KCNC1: variants seen among roughly 807,000 people sequenced by gnomAD.
KCNC1 encodes the protein voltage-gated potassium channel KCNC1.
In KCNC1, 8 loss-of-function variants were observed where a neutral mutation model predicts 43.4. The observed-to-expected ratio is 0.18, with a 90% CI of 0.11 to 0.33. KCNC1 has a LOEUF of 0.33. Ranked by LOEUF, KCNC1 falls within the 10% of genes least tolerant of loss-of-function variation. The pLI, the probability that KCNC1 is intolerant of heterozygous loss-of-function variation, is 1.00. For missense variants in KCNC1, 420 were observed against 836.0 expected, an observed-to-expected ratio of 0.50 and a Z score of 6.14; for synonymous variants, 361 against 360.5, an observed-to-expected ratio of 1.00 and a Z score of -0.01.
chr11:17,778,322 T>C (rs554336463), intron 2 of KCNC1, among the ~76,000 whole-genome samples: 69 of 152,188 alleles, frequency 4.5e-4, no homozygotes, highest in Admixed American at 1.0e-3. Flanking sequence ...CTCCCAGACC[T>C]CCTCCCAGGC....
At position 17,736,946 on chromosome 11, in the gene KCNC1, T is replaced by C. The variant is rs1048084036; in HGVS notation, c.570+374T>C. 2.0e-5 allele frequency among the ~76,000 whole-genome samples: 3 copies of C among 152,148 alleles called. No individual in the cohort carries two copies. The highest frequency in any genetic ancestry group is 7.2e-5 in the African/African-American group (3 of 41,424). On this transcript the variant is annotated intron_variant, in intron 1 of 3. Transcript: ENST00000265969. The surrounding 1 kb of genome is among the most constrained non-coding windows in gnomAD (Gnocchi z 9.3). The stretch of plus-strand genomic sequence containing the variant: ...GTGCATGAGCGCCTGCCCGTGAACA[T>C]TTGTGTCTTTGCAGAGGTGCACTGT...
chr11:17,779,172 C>T lies in KCNC1; in HGVS notation c.1505-284C>T. ...TGGGGCCCGGGGCCGGCCCCCAGCA[C>T]CACACCTGCTGGATCCATCACCAAC... On this transcript the variant is annotated intron_variant, in intron 2 of 3. Transcript: ENST00000265969. This position sits in a 1 kb window ranked among gnomAD's most constrained non-coding sequence, Gnocchi z 7.2. The T allele has an allele frequency of 3.0e-6, 1 of 334,646 alleles. No homozygotes were observed. Among genetic ancestry groups the T allele is most frequent in the South Asian group, 7.5e-5 (1 of 13,282 alleles). The allele number at this position is 334,646 out of a possible 1,614,324, so 20.7% of individuals were successfully genotyped here. A position where few individuals can be genotyped will look rare whatever the true frequency, so the allele number is the denominator to read the frequency against.
In KCNC1 at chr11:17,735,918, G is replaced by A; in HGVS notation, c.-85G>A. 1.5e-6 allele frequency: 2 copies of A among 1,356,416 alleles called. No individual in the cohort carries two copies. Among genetic ancestry groups the A allele is most frequent in the South Asian group, 1.7e-5 (1 of 58,788 alleles). 84.0% of individuals were successfully genotyped at this position (1,356,416 alleles called of 1,614,324 possible). ...CTGGGGGGAGGGGGGAAGAGGGCGC[G>A]CGCCCCCCTCCCCGGCGCCAACTCC... On this transcript the variant is annotated 5_prime_UTR_variant, in exon 1 of 4. Transcript: ENST00000265969. The surrounding 1 kb of genome is among the most constrained non-coding windows in gnomAD (Gnocchi z 6.7).
intron 1 of KCNC1, among the ~76,000 whole-genome samples, chr11:17,741,025 G>A (rs114021709): frequency 0.023 from 3,549 of 151,964 alleles, 147 homozygotes; most frequent in African/African-American, 0.081. Flanking sequence ...CCCTTGCCTC[G>A]GAGCCCACTC....
intron 2 of KCNC1, 87 bp downstream of exon 2, chr11:17,772,685 T>C (rs1849243936): frequency 1.3e-6 from 2 of 1,548,104 alleles, no homozygotes; most frequent in Non-Finnish European, 1.7e-6. Context: ...GACTGCTTCC[T>C]TAGTTCCGTG....
chr11:17,775,673 G>C (rs2133807774), intron 2 of KCNC1: 1 of 985,732 alleles, frequency 1.0e-6, no homozygotes, highest in African/African-American at 1.7e-5. Context: ...CCATTCGCAT[G>C]TGTCTTGTCC....
At chr11:17,778,097 G>A (rs1383558141) in intron 2 of KCNC1, among the ~76,000 whole-genome samples, 1 of 152,192 alleles carries the variant, frequency 6.6e-6, no homozygotes, top group Non-Finnish European at 1.5e-5. Flanking sequence ...TGTCACCCTA[G>A]ATGAAGTATT....
chr11:17,774,822 C>G, intron 2 of KCNC1: 3 of 985,486 alleles, frequency 3.0e-6, no homozygotes, highest in Non-Finnish European at 3.6e-6. Context: ...AAGCCCTTCC[C>G]AAGCACTCAC....
At chr11:17,774,877 C>T (rs1324386830) in intron 2 of KCNC1, 1 of 985,464 alleles carries the variant, frequency 1.0e-6, no homozygotes. Context: ...ACCCCCGAGG[C>T]TCCAGCCTCA....
At chr11:17,751,392 G>T (rs1012772548) in intron 1 of KCNC1, among the ~76,000 whole-genome samples, 2 of 152,204 alleles carry the variant, frequency 1.3e-5, no homozygotes, top group East Asian at 3.8e-4. Flanking sequence ...TCAGTGGATG[G>T]GTAAACAAAT....
intron 1 of KCNC1, among the ~76,000 whole-genome samples, chr11:17,761,021 C>G (rs1437239715): frequency 6.6e-6 from 1 of 152,218 alleles, no homozygotes; most frequent in African/African-American, 2.4e-5. Context: ...GGTGTCCTTT[C>G]CCTCCCGACA....
chr11:17,760,937 CTCTTT>C (rs1281714942), intron 1 of KCNC1, among the ~76,000 whole-genome samples: 1 of 152,254 alleles, frequency 6.6e-6, no homozygotes, highest in Non-Finnish European at 1.5e-5. Context: ...CTGTTGTCAT[CTCTTT>C]TCTTGTTACC....
In KCNC1 at chr11:17,779,130, G is replaced by C; in HGVS notation, c.1505-326G>C. On this transcript the variant is annotated intron_variant, in intron 2 of 3. Coordinates refer to ENST00000265969, the MANE Select transcript of KCNC1 (RefSeq NM_001112741.2). The surrounding 1 kb of genome is among the most constrained non-coding windows in gnomAD (Gnocchi z 7.2). ...CCCATGACTGCATCCACACCATCCT[G>C]TTTCATCGGCCCTGCTTGGGGCCCG... 4.2e-6 allele frequency: 1 copy of C among 237,046 alleles called. No homozygotes were observed. The highest frequency in any genetic ancestry group is 2.2e-5 in the African/African-American group (1 of 44,528). The allele number at this position is 237,046 out of a possible 1,614,324, so 14.7% of individuals were successfully genotyped here. A position where few individuals can be genotyped will look rare whatever the true frequency, so the allele number is the denominator to read the frequency against.
Position 17,736,392 on chromosome 11 carries a change from C to G in KCNC1, c.390C>G (p.Ser130Arg). The G allele has an allele frequency of 6.2e-7, 1 of 1,610,200 alleles. No homozygotes were observed. Among genetic ancestry groups the G allele is most frequent in the Non-Finnish European group, 8.5e-7 (1 of 1,178,760 alleles). ...TCGGCGGCGCTCCTCTGGACAACAG[C>G]GCCGACGACGCGGACGCCGACGGCC... The part of the protein sequence containing the change: ...DSFGGAPLDN[S>R]ADDADADGPG... The change falls in exon 1 of 4, where the codon AGC (serine) becomes AGG (arginine). Residue 130 changes from serine to arginine, a missense_variant. Ser to Arg is a moderately radical substitution (Grantham distance 110). Coordinates refer to ENST00000265969, the MANE Select transcript of KCNC1 (RefSeq NM_001112741.2). The surrounding 1 kb of genome is among the most constrained non-coding windows in gnomAD (Gnocchi z 9.3).
At chr11:17,760,029 A>C (rs1849060745) in intron 1 of KCNC1, among the ~76,000 whole-genome samples, 2 of 152,210 alleles carry the variant, frequency 1.3e-5, no homozygotes, top group African/African-American at 4.8e-5. Flanking sequence ...CTCACTGCCT[A>C]ATCTGGGAAT....
At chr11:17,758,374 T>C (rs1257698497) in intron 1 of KCNC1, among the ~76,000 whole-genome samples, 1 of 152,232 alleles carries the variant, frequency 6.6e-6, no homozygotes, top group African/African-American at 2.4e-5. Flanking sequence ...TTCACGAGAA[T>C]TGGAATCAAC....
At chr11:17,738,799 G>A (rs548307716) in intron 1 of KCNC1, among the ~76,000 whole-genome samples, 4 of 152,344 alleles carry the variant, frequency 2.6e-5, no homozygotes, top group South Asian at 2.1e-4. Context: ...CTGGGCGCCC[G>A]GTGGTCGGGG....
intron 1 of KCNC1, among the ~76,000 whole-genome samples, chr11:17,768,619 G>GA (rs1419861666): frequency 6.6e-6 from 1 of 151,856 alleles, no homozygotes; most frequent in Admixed American, 6.6e-5. Flanking sequence ...TGGTGGGGGG[G>GA]GGGGCGGTTT....
rs1421340624 is a variant in KCNC1 at position 17,776,967 on chromosome 11, C to T, written c.1505-2489C>T. Reference sequence around the variant, plus strand: ...CCCCACCCAATCATTAGTCCCTCCTCAAAGGTTAGGGTTGAGAGAAGCAGT... The same window carrying T: ...CCCCACCCAATCATTAGTCCCTCCTTAAAGGTTAGGGTTGAGAGAAGCAGT... On this transcript the variant is annotated intron_variant, in intron 2 of 3. Transcript: ENST00000265969. This position sits in a 1 kb window ranked among gnomAD's most constrained non-coding sequence, Gnocchi z 4.4. 2 of 985,476 alleles carry T rather than the reference C, an allele frequency of 2.0e-6. No homozygotes were observed. Among genetic ancestry groups the T allele is most frequent in the East Asian group, 2.3e-4 (2 of 8,786 alleles). 61.0% of individuals were successfully genotyped at this position (985,476 alleles called of 1,614,324 possible).
Sources: gnomAD v4.1 joint callset for allele counts (sites outside exome capture counted in the v4.1 genomes callset) on GRCh38, gnomAD v4.1.1 for gene constraint, Gnocchi (gnomAD v3.1) non-coding constraint, MANE v1.5 for transcripts, NCBI Gene and HGNC (gene_info 2026-07-23, HGNC 2026-07-21) for gene names.